Variants in ZYG11A observed in about 807,000 individuals in gnomAD.
ZYG11A encodes the protein zyg-11 family member A, cell cycle regulator.
Under a neutral mutation model 77.2 loss-of-function variants are expected in ZYG11A, and 62 were observed. The observed-to-expected ratio is 0.80, with a 90% CI of 0.65 to 0.99. ZYG11A has a LOEUF of 0.99. Among genes scored for constraint, ZYG11A ranks in the 50% least tolerant of loss-of-function variants. The probability of loss-of-function intolerance (pLI) is 0.00; values close to 1 mark genes in which losing one functional copy is unlikely to be tolerated. For missense variants in ZYG11A, 828 were observed against 896.8 expected (o/e 0.92, Z 0.98); for synonymous variants, 315 against 324.6 (o/e 0.97, Z 0.32).
At chr1:52,843,519 G>A (rs896697414) in intron 1 of ZYG11A, among the ~76,000 whole-genome samples, 1 of 152,178 alleles carries the variant, frequency 6.6e-6, no homozygotes, top group Non-Finnish European at 1.5e-5. Flanking sequence ...GGGGGAACTG[G>A]AACCCGAAGT....
At position 52,893,037 on chromosome 1, in the gene ZYG11A, T is replaced by C. The variant is rs1429380808; in HGVS notation, c.*80T>C. The C allele has an allele frequency of 3.1e-6, 4 of 1,304,796 alleles. No individual in the cohort carries two copies. The highest frequency in any genetic ancestry group is 4.2e-6 in the Non-Finnish European group (4 of 958,690). 80.8% of individuals were successfully genotyped at this position (1,304,796 alleles called of 1,614,324 possible). On this transcript the variant is annotated 3_prime_UTR_variant, in exon 14 of 14. Transcript: ENST00000371528. ...GGCAGTAATTGCACATCAGTTGTCA[T>C]TGGAGTTTGTGAGTTGGCTGTCTCA... is the stretch of plus-strand genomic sequence containing the variant.
intron 8 of ZYG11A, among the ~76,000 whole-genome samples, chr1:52,869,929 C>T (rs1260963588): frequency 4.1e-5 from 6 of 148,128 alleles, no homozygotes; most frequent in Admixed American, 3.3e-4. Context: ...CCACACCTCC[C>T]TCCCAGACAG....
At chr1:52,863,800 G>A (rs997803876) in intron 4 of ZYG11A, among the ~76,000 whole-genome samples, 181 bp from the exon 5 acceptor site, 9 of 152,196 alleles carry the variant, frequency 5.9e-5, no homozygotes, top group African/African-American at 9.7e-5. Flanking sequence ...GATAGTTAGT[G>A]ACTCCATTTG....
intron 3 of ZYG11A, among the ~76,000 whole-genome samples, chr1:52,858,431 G>A (rs1354879343): frequency 3.3e-5 from 5 of 150,744 alleles, no homozygotes; most frequent in South Asian, 2.1e-4. Context: ...TCGGCTTCCC[G>A]AGTAGCTGGG....
chr1:52,880,420 C>T (rs1405085330), intron 10 of ZYG11A, among the ~76,000 whole-genome samples: 1 of 152,052 alleles, frequency 6.6e-6, no homozygotes, highest in African/African-American at 2.4e-5. Flanking sequence ...TTTGGTTTTT[C>T]ATTTTTGTAG....
At position 52,885,836 on chromosome 1, in the gene ZYG11A, G is replaced by A. The variant is rs1445744350; in HGVS notation, c.1948G>A (p.Ala650Thr). The change falls in exon 12 of 14, where the codon GCA becomes ACA. Residue 650 changes from alanine to threonine, a missense_variant. Transcript: ENST00000371528. ...CTCTCTCTTGTTTTTGGAGTAGCAT[G>A]CAACCATACAGAATTGGCCAAGTTC... ...QRRTLLQDLH[A>T]TIQNWPSSSC... 10 of 1,543,212 alleles carry A rather than the reference G, an allele frequency of 6.5e-6. No homozygotes were observed. The highest frequency in any genetic ancestry group is 7.9e-6 in the Non-Finnish European group (9 of 1,143,584).
At chr1:52,876,241 T>G (rs1646259412) in intron 8 of ZYG11A, among the ~76,000 whole-genome samples, 1 of 152,142 alleles carries the variant, frequency 6.6e-6, no homozygotes, top group South Asian at 2.1e-4. Flanking sequence ...GAGCAGGTAT[T>G]GAAATTGAGA....
chr1:52,884,158 G>A (rs1442610607), intron 11 of ZYG11A, among the ~76,000 whole-genome samples: 1 of 151,826 alleles, frequency 6.6e-6, no homozygotes, highest in Non-Finnish European at 1.5e-5. Flanking sequence ...GGGATTACAG[G>A]AGTCAGGCAC....
At chr1:52,890,069 T>C (rs956700277) in intron 13 of ZYG11A, among the ~76,000 whole-genome samples, 4 of 149,270 alleles carry the variant, frequency 2.7e-5, no homozygotes, top group African/African-American at 9.9e-5. Flanking sequence ...TTTTTTTTTT[T>C]TCTTTTTTTT....
intron 2 of ZYG11A, 67 bp downstream of exon 2, chr1:52,854,697 A>G (rs562717650): frequency 2.2e-6 from 3 of 1,348,314 alleles, no homozygotes; most frequent in African/African-American, 1.5e-5. Context: ...ACTTTTACAC[A>G]CAATTTCTAT....
rs892847363 is a variant in ZYG11A, at chr1:52,893,797, T to C, written c.*840T>C. On this transcript the variant is annotated 3_prime_UTR_variant, in exon 14 of 14. Coordinates refer to ENST00000371528, the MANE Select transcript of ZYG11A (RefSeq NM_001004339.3). ...TAGAGGGGTGGAGAAAAGAGAAATATATTTTTTTACCTTTTTTTTTTTTTT... is the reference window on the plus strand; with the variant it reads ...TAGAGGGGTGGAGAAAAGAGAAATACATTTTTTTACCTTTTTTTTTTTTTT... The C allele has an allele frequency of 1.4e-5, 2 of 147,364 alleles. No individual in the cohort carries two copies. The highest frequency in any genetic ancestry group is 2.5e-5 in the African/African-American group (1 of 39,592). 9.1% of individuals were successfully genotyped at this position (147,364 alleles called of 1,614,324 possible). A position where few individuals can be genotyped will look rare whatever the true frequency, so the allele number is the denominator to read the frequency against.
At chr1:52,885,704 C>A in intron 11 of ZYG11A, 129 bp from the exon 12 acceptor site, 1 of 653,242 alleles carries the variant, frequency 1.5e-6, no homozygotes, top group Non-Finnish European at 2.7e-6. Flanking sequence ...TGTATATAAT[C>A]GTTATGTGAT....
chr1:52,889,419 TA>T (rs2150024131), intron 13 of ZYG11A, among the ~76,000 whole-genome samples: 1 of 142,848 alleles, frequency 7.0e-6, no homozygotes, highest in Admixed American at 6.7e-5. Flanking sequence ...AAAAAGTATT[TA>T]ATTTTTTTTC....
At chr1:52,876,797 A>G (rs1646269446) in intron 8 of ZYG11A, among the ~76,000 whole-genome samples, 1 of 152,194 alleles carries the variant, frequency 6.6e-6, no homozygotes, top group Admixed American at 6.5e-5. Context: ...CTTCTTGAAA[A>G]TATACATTCT....
intron 11 of ZYG11A, among the ~76,000 whole-genome samples, chr1:52,884,879 C>T (rs1234598000): frequency 1.3e-5 from 2 of 151,904 alleles, no homozygotes; most frequent in Admixed American, 1.3e-4. Context: ...TCCTTTGAAC[C>T]AGTCTTCCTA....
At chr1:52,892,716 G>A in intron 13 of ZYG11A, 66 bp from the exon 14 acceptor site, 1 of 1,337,170 alleles carries the variant, frequency 7.5e-7, no homozygotes. Flanking sequence ...CAAGGTGAAT[G>A]TGGTGACATG....
chr1:52,877,975 G>A lies in ZYG11A; in HGVS notation c.1749+6G>A, dbSNP rs1457723733. ...GCAAAGTACTTGGTCTTTTGGTAAG[G>A]TGAATTGTTTTGAATTAATTTTAAT... On this transcript the variant is annotated splice_donor_region_variant and intron_variant, in intron 10 of 13. Coordinates refer to ENST00000371528, the MANE Select transcript of ZYG11A (RefSeq NM_001004339.3). 2 of 1,551,072 alleles carry A rather than the reference G, an allele frequency of 1.3e-6. No homozygotes were observed. The highest frequency in any genetic ancestry group is 2.7e-5 in the African/African-American group (2 of 73,010).
chr1:52,857,743 C>T lies in ZYG11A; in HGVS notation c.1002C>T (p.Gly334=), dbSNP rs1453901445. The change falls in exon 3 of 14, where the codon GGC becomes GGT. Residue 334 remains glycine, a synonymous_variant. Coordinates refer to ENST00000371528, the MANE Select transcript of ZYG11A (RefSeq NM_001004339.3). ...CTGACTTCTTTACTACAAAGCAAGGCTTGAGGGTTTGTTCTTATCTGAATA... is the reference window on the plus strand; with the variant it reads ...CTGACTTCTTTACTACAAAGCAAGGTTTGAGGGTTTGTTCTTATCTGAATA... The part of the protein sequence containing the change: ...GSSDFFTTKQ[G]LRVAGGASMS... 3 of 1,543,820 alleles carry T rather than the reference C, an allele frequency of 1.9e-6. No homozygotes were observed. The African/African-American group carries it at 4.1e-5, about 21-fold the overall frequency.
At chr1:52,877,251 C>T (rs12074005) in intron 8 of ZYG11A, among the ~76,000 whole-genome samples, 1 of 152,098 alleles carries the variant, frequency 6.6e-6, no homozygotes, top group Non-Finnish European at 1.5e-5. Flanking sequence ...CCTAAAGCCT[C>T]AATTTTAGGC....
Sources: allele counts gnomAD v4.1 joint callset (sites outside exome capture counted in the v4.1 genomes callset), GRCh38; gene constraint gnomAD v4.1.1; transcripts MANE v1.5; gene names NCBI Gene and HGNC (gene_info 2026-07-23, HGNC 2026-07-21).